Variants in SGCD observed in about 807,000 individuals in gnomAD.
The protein encoded by SGCD is delta-sarcoglycan.
A neutral mutation model predicts 36.6 loss-of-function variants in SGCD; 18 were observed. The observed-to-expected ratio is 0.49, with a 90% CI of 0.34 to 0.73. SGCD has a LOEUF of 0.73. Ranked by LOEUF, SGCD falls within the 30% of genes least tolerant of loss-of-function variation. The probability of loss-of-function intolerance (pLI) is 0.01; values close to 1 mark genes in which losing one functional copy is unlikely to be tolerated. For missense variants in SGCD, 387 were observed against 346.7 expected, an observed-to-expected ratio of 1.12 and a Z score of -0.92; for synonymous variants, 133 against 130.6, an observed-to-expected ratio of 1.02 and a Z score of -0.12.
chr5:156,024,487 T>C (rs558606283), intron 1 of SGCD, among the ~76,000 whole-genome samples: 1 of 152,166 alleles, frequency 6.6e-6, no homozygotes, highest in East Asian at 1.9e-4. Flanking sequence ...CTTGACCTTT[T>C]GAGTAAGCTT....
rs1766109394 is a variant in SGCD, at chr5:156,269,505, A to AAAAC, written c.-43-60026_-43-60025insCAAA. On this transcript the variant is annotated intron_variant, in intron 3 of 9. Coordinates refer to the SGCD transcript ENST00000517913. ...AAAAAAAAAAAAAAAAAAAAAAAAA[A>AAAAC]AAAAACCATCAGATCTCATGAAACT... is the stretch of plus-strand genomic sequence containing the variant. Among the ~76,000 whole-genome samples the AAAAC allele has an allele frequency of 3.5e-4, 30 of 86,194 alleles. 4 individuals carry two copies. Among genetic ancestry groups the AAAAC allele is most frequent in the African/African-American group, 7.2e-4 (14 of 19,378 alleles). 56.5% of individuals were successfully genotyped at this position (86,194 alleles called of 152,430 possible).
At position 156,497,170 on chromosome 5, in the gene SGCD, ACTCTCT is replaced by A. The variant is rs10559912; in HGVS notation, c.193-11400_193-11395del. 9.5e-3 allele frequency among the ~76,000 whole-genome samples: 1,380 copies of A among 145,348 alleles called. 17 individuals carry two copies. The highest frequency in any genetic ancestry group is 0.013 in the Non-Finnish European group (861 of 65,172). On this transcript the variant is annotated intron_variant, in intron 3 of 8. Transcript: ENST00000337851. The stretch of plus-strand genomic sequence containing the variant: ...CTCGTTTTCTTTCTCACTCTCCTGC[ACTCTCT>A]CTCTCTCTCTCTCTCTCTCTCTCTC...
At chr5:156,301,775 T>C (rs1291340646) in intron 3 of SGCD, among the ~76,000 whole-genome samples, 1 of 152,018 alleles carries the variant, frequency 6.6e-6, no homozygotes, top group Non-Finnish European at 1.5e-5. Flanking sequence ...TCACTGGATA[T>C]ACTATTCTAG....
In SGCD at chr5:156,088,039, C is replaced by T. The variant is rs765092549; in HGVS notation, c.-281-29839C>T. Reference sequence around the variant, plus strand: ...TTAATGCCAGGTCACTGGGATCAGTCGCTTGCAGCCATCCCCCTTTCCCAT... The same window carrying T: ...TTAATGCCAGGTCACTGGGATCAGTTGCTTGCAGCCATCCCCCTTTCCCAT... On this transcript the variant is annotated intron_variant, in intron 1 of 9. Coordinates refer to the SGCD transcript ENST00000517913. 5.9e-5 allele frequency among the ~76,000 whole-genome samples: 9 copies of T among 152,122 alleles called. No homozygotes were observed. The South Asian group carries it at 6.2e-4, about 11-fold the overall frequency.
intron 1 of SGCD, among the ~76,000 whole-genome samples, chr5:156,000,031 C>T (rs1045004303): frequency 6.6e-6 from 1 of 152,228 alleles, no homozygotes; most frequent in Non-Finnish European, 1.5e-5. Flanking sequence ...ATTCTTGAAG[C>T]CTTTGCATTG....
chr5:156,553,451 T>C (rs1258864388), intron 4 of SGCD, among the ~76,000 whole-genome samples: 1 of 152,232 alleles, frequency 6.6e-6, no homozygotes, highest in Non-Finnish European at 1.5e-5. Context: ...AATTCTTTTT[T>C]TTAATTGAGC....
At chr5:155,887,159 A>G (rs563644921) in intron 1 of SGCD, among the ~76,000 whole-genome samples, 65 of 152,324 alleles carry the variant, frequency 4.3e-4, no homozygotes, top group Non-Finnish European at 7.9e-4. Flanking sequence ...CCTGCTTCAC[A>G]CAGGGATTGC....
chr5:155,801,450 G>T, the SGCD span, among the ~76,000 whole-genome samples: 5 of 152,230 alleles, frequency 3.3e-5, no homozygotes, highest in South Asian at 1.0e-3. Context: ...GGGTTTTATA[G>T]ATCTGCAATT....
chr5:155,771,067 A>T, the SGCD span, among the ~76,000 whole-genome samples: 9 of 151,948 alleles, frequency 5.9e-5, no homozygotes, highest in Admixed American at 6.6e-5. Context: ...CCAAAAGTAT[A>T]TGTATTTGTA....
rs147403721 is a variant in SGCD, at chr5:156,281,951, A to C, written c.-43-47583A>C. The stretch of plus-strand genomic sequence containing the variant: ...GGATAAAACTTCTGTTTTCCGCGTA[A>C]ACCCAGGAGGCGGAGCTTGCAGTGA... On this transcript the variant is annotated intron_variant, in intron 3 of 9. Transcript: ENST00000517913. 7.9e-4 allele frequency among the ~76,000 whole-genome samples: 120 copies of C among 152,210 alleles called. 1 individual carries two copies. The highest frequency in any genetic ancestry group is 2.9e-3 in the African/African-American group (119 of 41,550).
chr5:156,202,444 G>A (rs1764173279), intron 3 of SGCD, among the ~76,000 whole-genome samples: 1 of 152,150 alleles, frequency 6.6e-6, no homozygotes, highest in Admixed American at 6.6e-5. Context: ...TATTGAAAGA[G>A]GTGTTAGGCT....
chr5:155,820,430 G>A, the SGCD span, among the ~76,000 whole-genome samples: 2 of 151,986 alleles, frequency 1.3e-5, no homozygotes, highest in Non-Finnish European at 2.9e-5. Context: ...GAGGCCAAGA[G>A]GGGTAAATTG....
In SGCD at chr5:155,876,011, G is replaced by GT. The variant is rs879837192; in HGVS notation, c.-282+5598dup. On this transcript the variant is annotated intron_variant, in intron 1 of 9. Coordinates refer to the SGCD transcript ENST00000517913. ...AGCCTTCAGCTTAATTTTCAAAGTT[G>GT]TTTTTTTTTTTCTTGGTCCTCTTGT... Among the ~76,000 whole-genome samples the GT allele has an allele frequency of 5.6e-3, 768 of 138,076 alleles. 2 individuals are homozygous for GT. The highest frequency in any genetic ancestry group is 7.6e-3 in the Non-Finnish European group (469 of 62,100). The allele number at this position is 138,076 out of a possible 152,430, so 90.6% of individuals were successfully genotyped here. A position where few individuals can be genotyped will look rare whatever the true frequency, so the allele number is the denominator to read the frequency against.
chr5:156,717,269 A>G lies in SGCD; in HGVS notation c.576-40312A>G, dbSNP rs139512119. Reference sequence around the variant, plus strand: ...TTCCTGCAGCCTTTAGTGTCACTCCATTGCTTGGAGATAAGATCTAGCTTT... The same window carrying G: ...TTCCTGCAGCCTTTAGTGTCACTCCGTTGCTTGGAGATAAGATCTAGCTTT... On this transcript the variant is annotated intron_variant, in intron 7 of 8. Coordinates refer to ENST00000337851, the MANE Select transcript of SGCD (RefSeq NM_000337.6). Among the ~76,000 whole-genome samples, 348 of 152,286 alleles carry G rather than the reference A, an allele frequency of 2.3e-3. 2 individuals are homozygous for G. Among genetic ancestry groups the G allele is most frequent in the African/African-American group, 7.9e-3 (330 of 41,552 alleles).
chr5:156,485,690 C>A (rs1755627790), intron 3 of SGCD, among the ~76,000 whole-genome samples: 1 of 152,028 alleles, frequency 6.6e-6, no homozygotes, highest in Admixed American at 6.6e-5. Context: ...TGTGGAGATG[C>A]CCAGCATTTG....
chr5:155,842,731 C>G, the SGCD span, among the ~76,000 whole-genome samples: 1 of 152,258 alleles, frequency 6.6e-6, no homozygotes, highest in Non-Finnish European at 1.5e-5. Flanking sequence ...CACAGCATCA[C>G]AAAAAGTTCT....
chr5:156,630,728 T>G (rs1480587995), intron 6 of SGCD, among the ~76,000 whole-genome samples: 1 of 152,232 alleles, frequency 6.6e-6, no homozygotes, highest in East Asian at 1.9e-4. Context: ...TAAATAATTG[T>G]TGTTTCAGCC....
At chr5:155,955,971 A>C (rs1310459959) in intron 1 of SGCD, among the ~76,000 whole-genome samples, 5 of 152,108 alleles carry the variant, frequency 3.3e-5, no homozygotes, top group African/African-American at 1.2e-4. Flanking sequence ...GATGAGCACA[A>C]ATGTAATTCA....
chr5:156,459,257 A>G (rs1754383136), intron 3 of SGCD, among the ~76,000 whole-genome samples: 2 of 152,204 alleles, frequency 1.3e-5, no homozygotes, highest in South Asian at 4.1e-4. Flanking sequence ...GACATTAGAT[A>G]AACAGGTTCA....
Sources: allele counts gnomAD v4.1 joint callset (sites outside exome capture counted in the v4.1 genomes callset), GRCh38; gene constraint gnomAD v4.1.1; transcripts MANE v1.5; gene names NCBI Gene and HGNC (gene_info 2026-07-23, HGNC 2026-07-21).